Variants in GBX1 observed in about 807,000 individuals in gnomAD.
The protein encoded by GBX1 is gastrulation brain homeobox 1, also known as homeobox protein GBX-1.
A neutral mutation model predicts 22.9 loss-of-function variants in GBX1; 9 were observed. The observed-to-expected ratio is 0.39, with a 90% confidence interval of 0.24 to 0.69. The LOEUF is 0.69. Among genes scored for constraint, GBX1 ranks in the 30% least tolerant of loss-of-function variants. GBX1 has a pLI of 0.43. For synonymous variants in GBX1, 203 were observed against 227.3 expected, an observed-to-expected ratio of 0.89 and a Z score of 0.96; for missense variants, 494 against 509.2, an observed-to-expected ratio of 0.97 and a Z score of 0.29.
chr7:151,150,988 T>C (rs1187300081), intron 1 of GBX1, among the ~76,000 whole-genome samples: 2 of 152,214 alleles, frequency 1.3e-5, no homozygotes, highest in African/African-American at 4.8e-5. Context: ...AGCCCTGGCC[T>C]CCCAAAGTGC....
rs753116482 is a variant in GBX1 at position 151,148,718 on chromosome 7, A to C, written c.963T>G (p.Ala321=). The change falls in exon 2 of 2, where the codon GCT becomes GCG. Residue 321 remains alanine (A), a synonymous_variant. Coordinates refer to ENST00000297537, the MANE Select transcript of GBX1 (RefSeq NM_001098834.3). This position sits in a 1 kb window ranked among gnomAD's most constrained non-coding sequence, Gnocchi z 5.1. ...NRRAKWKRIK[A]GNVSSRSGEP... is the part of the protein sequence containing the mutation. The stretch of plus-strand genomic sequence containing the variant: ...CCCCAGAACGGCTGCTCACATTGCC[A>C]GCTTTGATGCGCTTCCACTTGGCCC... 1 of 1,614,148 alleles carries C rather than the reference A, an allele frequency of 6.2e-7. No individual in the cohort carries two copies. Among genetic ancestry groups the C allele is most frequent in the South Asian group, 1.1e-5 (1 of 91,076 alleles).
intron 1 of GBX1, among the ~76,000 whole-genome samples, chr7:151,149,378 G>A (rs1312587613): frequency 6.6e-6 from 1 of 152,172 alleles, no homozygotes; most frequent in Non-Finnish European, 1.5e-5. Flanking sequence ...GTATTAACCA[G>A]CACAGATTTC....
At chr7:151,163,371 A>G (rs1189341110) in intron 1 of GBX1, among the ~76,000 whole-genome samples, 1 of 151,944 alleles carries the variant, frequency 6.6e-6, no homozygotes, top group East Asian at 1.9e-4. Context: ...CTGAGGACCC[A>G]TTATCCAATT....
Position 151,148,715 on chromosome 7 carries a change from G to A in GBX1, c.966C>T (p.Gly322=). The stretch of plus-strand genomic sequence containing the variant: ...GCTCCCCAGAACGGCTGCTCACATT[G>A]CCAGCTTTGATGCGCTTCCACTTGG... ...RRAKWKRIKA[G]NVSSRSGEPV... Residue 322 remains glycine, a synonymous_variant, in exon 2 of 2, where the codon GGC becomes GGT. Coordinates refer to ENST00000297537, the MANE Select transcript of GBX1 (RefSeq NM_001098834.3). This position sits in a 1 kb window ranked among gnomAD's most constrained non-coding sequence, Gnocchi z 5.1. The A allele has an allele frequency of 1.9e-6, 3 of 1,614,150 alleles. No homozygotes were observed. Among genetic ancestry groups the A allele is most frequent in the Non-Finnish European group, 2.5e-6 (3 of 1,180,036 alleles).
chr7:151,158,241 T>C (rs1198834943), intron 1 of GBX1, among the ~76,000 whole-genome samples: 1 of 152,128 alleles, frequency 6.6e-6, no homozygotes, highest in African/African-American at 2.4e-5. Flanking sequence ...AACTCTCCCA[T>C]CCACGCTAAT....
At chr7:151,159,929 T>C (rs1801173160) in intron 1 of GBX1, among the ~76,000 whole-genome samples, 1 of 152,068 alleles carries the variant, frequency 6.6e-6, no homozygotes, top group South Asian at 2.1e-4. Context: ...CCCTCCCCAA[T>C]CCCAGAAGAC....
At chr7:151,157,399 G>A (rs1801147499) in intron 1 of GBX1, among the ~76,000 whole-genome samples, 1 of 152,178 alleles carries the variant, frequency 6.6e-6, no homozygotes, top group Non-Finnish European at 1.5e-5. Context: ...ATAGGTATCA[G>A]AGCAAACAGA....
Position 151,166,116 on chromosome 7 carries a change from A to G in GBX1, c.538+895T>C, listed in dbSNP as rs2150551485. Among the ~76,000 whole-genome samples, 2 of 152,284 alleles carry G rather than the reference A, an allele frequency of 1.3e-5. 1 individual carries two copies. The stretch of plus-strand genomic sequence containing the variant: ...CACCTGAATCTGTCTAGCCAGAAGA[A>G]AGCTTTTCTGGCTTCTAGGAGTTAA... On this transcript the variant is annotated intron_variant, in intron 1 of 1. Coordinates refer to ENST00000297537, the MANE Select transcript of GBX1 (RefSeq NM_001098834.3).
In GBX1 at chr7:151,167,523, GC is replaced by G; in HGVS notation, c.25del (p.Ala9ProfsTer22). 6.8e-7 allele frequency: 1 copy of G among 1,470,164 alleles called. No individual in the cohort carries two copies. Among genetic ancestry groups the G allele is most frequent in the South Asian group, 1.3e-5 (1 of 77,324 alleles). The allele number at this position is 1,470,164 out of a possible 1,614,324, so 91.1% of individuals were successfully genotyped here. On this transcript the variant is annotated frameshift_variant, in exon 1 of 2. Transcript: ENST00000297537. LOFTEE classifies it high-confidence loss of function. This position sits in a 1 kb window ranked among gnomAD's most constrained non-coding sequence, Gnocchi z 5.9. Reference protein sequence around the residue: MQRAGGGSAPGGNGGGGGG... With the variant: MQRAGGGSXPGGNGGGGGG... ...GCCGCCCCCGCCGTTGCCCCCAGGG[GC>G]GCTACCGCCTCCGGCCCGCTGCATC...
intron 1 of GBX1, among the ~76,000 whole-genome samples, chr7:151,165,919 C>T (rs74965800): frequency 0.014 from 2,112 of 152,284 alleles, 48 homozygotes; most frequent in African/African-American, 0.047. Flanking sequence ...AGTCAGCTCC[C>T]AGGCCTACTG....
At chr7:151,161,418 T>C (rs1486592719) in intron 1 of GBX1, among the ~76,000 whole-genome samples, 1 of 152,180 alleles carries the variant, frequency 6.6e-6, no homozygotes, top group Non-Finnish European at 1.5e-5. Flanking sequence ...CTAATAAAAT[T>C]TTCCTGTTGT....
chr7:151,152,617 A>G (rs1036747748), intron 1 of GBX1, among the ~76,000 whole-genome samples: 1 of 152,246 alleles, frequency 6.6e-6, no homozygotes, highest in African/African-American at 2.4e-5. Flanking sequence ...GGATAAAATC[A>G]GTTAGTACAA....
intron 1 of GBX1, among the ~76,000 whole-genome samples, chr7:151,153,443 G>C (rs535958261): frequency 6.3e-4 from 96 of 151,782 alleles, no homozygotes; most frequent in Non-Finnish European, 1.2e-3. Context: ...AATTAGCTAA[G>C]AAATAAAAAT....
At chr7:151,166,973 C>T (rs1801259540) in intron 1 of GBX1, 38 bp downstream of exon 1, 1 of 1,592,328 alleles carries the variant, frequency 6.3e-7, no homozygotes, top group Non-Finnish European at 8.6e-7. Context: ...TCCAGGTGAA[C>T]CGGCCTCCCG....
chr7:151,167,328 G>T lies in GBX1; in HGVS notation c.221C>A (p.Ala74Asp). The T allele has an allele frequency of 6.6e-7, 1 of 1,517,840 alleles. No homozygotes were observed. Among genetic ancestry groups the T allele is most frequent in the Non-Finnish European group, 8.8e-7 (1 of 1,136,040 alleles). The allele number at this position is 1,517,840 out of a possible 1,614,324, so 94.0% of individuals were successfully genotyped here. A position where few individuals can be genotyped will look rare whatever the true frequency, so the allele number is the denominator to read the frequency against. Residue 74 changes from alanine to aspartate, a missense_variant, in exon 1 of 2, where the codon GCC (alanine) becomes GAC (aspartate). This residue lies in a region of GBX1 where 365 missense variants were observed against 340.4 expected (regional missense o/e 1.07). Transcript: ENST00000297537. The surrounding 1 kb of genome is among the most constrained non-coding windows in gnomAD (Gnocchi z 5.9). The stretch of plus-strand genomic sequence containing the variant: ...GCGGCCGGCGAAAGAGGCTAGCGGG[G>T]CGAGGGGCGGGAGGCCAGCGGGCAG... ...APLPAGLPPLAPLASFAGRLT... is the reference protein window; with the variant it reads ...APLPAGLPPLDPLASFAGRLT...
At chr7:151,153,064 G>C (rs910850688) in intron 1 of GBX1, among the ~76,000 whole-genome samples, 4 of 152,108 alleles carry the variant, frequency 2.6e-5, no homozygotes, top group Admixed American at 2.6e-4. Flanking sequence ...GGCCAAGGCA[G>C]GTGGAAAGAA....
intron 1 of GBX1, among the ~76,000 whole-genome samples, chr7:151,159,085 ATT>A (rs34407378): frequency 0.062 from 8,742 of 140,782 alleles, 489 homozygotes; most frequent in African/African-American, 0.16. Flanking sequence ...AAGTGTCTGA[ATT>A]TTTTTTTTTT....
At chr7:151,155,418 G>A (rs1342177884) in intron 1 of GBX1, among the ~76,000 whole-genome samples, 3 of 152,048 alleles carry the variant, frequency 2.0e-5, no homozygotes, top group East Asian at 3.9e-4. Flanking sequence ...TACTTTCTCC[G>A]ATTGTTTAAA....
intron 1 of GBX1, among the ~76,000 whole-genome samples, chr7:151,158,438 G>T (rs926388194): frequency 6.6e-6 from 1 of 151,728 alleles, no homozygotes; most frequent in Non-Finnish European, 1.5e-5. Context: ...AAAGAAACAA[G>T]AAGAGTTTTT....
Sources: gnomAD v4.1 joint callset for allele counts (sites outside exome capture counted in the v4.1 genomes callset) on GRCh38, gnomAD v4.1.1 for gene constraint, gnomAD v4.1.1 regional missense constraint, Gnocchi (gnomAD v3.1) non-coding constraint, MANE v1.5 for transcripts, NCBI Gene and HGNC (gene_info 2026-07-23, HGNC 2026-07-21) for gene names.